FNDC3B: variants seen among roughly 807,000 people sequenced by gnomAD.
FNDC3B encodes fibronectin type III domain containing 3B, also known as fibronectin type III domain-containing protein 3B.
In FNDC3B, 12 loss-of-function variants were observed where a neutral mutation model predicts 151.5. The ratio of observed to expected loss-of-function variants is 0.08; its 90% CI spans 0.05 to 0.13. FNDC3B has a LOEUF of 0.13. Among genes scored for constraint, FNDC3B ranks in the 10% least tolerant of loss-of-function variants. FNDC3B has a pLI of 1.00. For synonymous variants in FNDC3B, 528 were observed against 549.0 expected (o/e 0.96, Z 0.54); for missense variants, 1,214 against 1,505.3 (o/e 0.81, Z 3.20).
At chr3:172,310,968 A>T (rs1404733158) in intron 11 of FNDC3B, 87 bp downstream of exon 11, 30 of 927,964 alleles carry the variant, frequency 3.2e-5, no homozygotes, top group Non-Finnish European at 5.3e-5. Flanking sequence ...CTTTTATAAG[A>T]CATGCTAAAC....
At chr3:172,277,552 C>G (rs1409456856) in intron 6 of FNDC3B, among the ~76,000 whole-genome samples, 1 of 152,162 alleles carries the variant, frequency 6.6e-6, no homozygotes, top group Non-Finnish European at 1.5e-5. Flanking sequence ...TTTTAAGATA[C>G]ACGAATTTTG....
intron 9 of FNDC3B, chr3:172,307,056 A>G: frequency 9.0e-6 from 2 of 222,948 alleles, no homozygotes; most frequent in Non-Finnish European, 1.8e-5. Flanking sequence ...TAGAACATAT[A>G]TTTGGAGATC....
At position 172,176,163 on chromosome 3, in the gene FNDC3B, T is replaced by C. The variant is rs536325623; in HGVS notation, c.187+42617T>C. Among the ~76,000 whole-genome samples the C allele has an allele frequency of 4.6e-5, 7 of 152,336 alleles. No homozygotes were observed. The East Asian group carries it at 1.2e-3, about 25-fold the overall frequency. ...CAACTCTGAAGTACGCATGCATTGA[T>C]TGAATTAATAGAAGAGCCCTTCATT... On this transcript the variant is annotated intron_variant, in intron 3 of 25. Coordinates refer to ENST00000415807, the MANE Select transcript of FNDC3B (RefSeq NM_022763.4).
chr3:172,178,267 C>A (rs1054760041), intron 3 of FNDC3B, among the ~76,000 whole-genome samples: 2 of 152,036 alleles, frequency 1.3e-5, no homozygotes, highest in Admixed American at 1.3e-4. Flanking sequence ...AAGTGTCACT[C>A]CAGCTGTGGG....
rs73035124 is a variant in FNDC3B at position 172,329,338 on chromosome 3, T to C, written c.1379+262T>C. ...ACCAAGGTGAAGGTAGCAGTACAGA[T>C]CTTGAAAGGAATTCCTCTTGGAGCT... is the stretch of plus-strand genomic sequence containing the variant. On this transcript the variant is annotated intron_variant, in intron 12 of 25. Coordinates refer to ENST00000415807, the MANE Select transcript of FNDC3B (RefSeq NM_022763.4). 402 of 371,976 alleles carry C rather than the reference T, an allele frequency of 1.1e-3. 2 individuals are homozygous for C. Among genetic ancestry groups the C allele is most frequent in the African/African-American group, 7.7e-3 (371 of 48,230 alleles). The allele number at this position is 371,976 out of a possible 1,614,324, so 23.0% of individuals were successfully genotyped here.
chr3:172,168,360 C>T (rs1351189293), intron 3 of FNDC3B, among the ~76,000 whole-genome samples: 1 of 152,114 alleles, frequency 6.6e-6, no homozygotes, highest in African/African-American at 2.4e-5. Flanking sequence ...CTGATTCCTG[C>T]TATTTTGAAG....
At chr3:172,065,095 A>G (rs1032273535) in intron 1 of FNDC3B, among the ~76,000 whole-genome samples, 4 of 152,170 alleles carry the variant, frequency 2.6e-5, no homozygotes, top group African/African-American at 7.2e-5. Context: ...GCACTTTGGG[A>G]GTCTGAGGCG....
intron 3 of FNDC3B, among the ~76,000 whole-genome samples, chr3:172,210,818 A>C (rs1217020757): frequency 1.3e-5 from 2 of 152,222 alleles, no homozygotes; most frequent in South Asian, 4.1e-4. Flanking sequence ...AAGTGAGAGA[A>C]TTAGCTCAGC....
rs527936365 is a variant in FNDC3B at position 172,117,777 on chromosome 3, C to A, written c.111+5187C>A. Among the ~76,000 whole-genome samples, 3 of 152,286 alleles carry A rather than the reference C, an allele frequency of 2.0e-5. No homozygotes were observed. The East Asian group carries it at 5.8e-4, about 29-fold the overall frequency. On this transcript the variant is annotated intron_variant, in intron 2 of 25. Coordinates refer to ENST00000415807, the MANE Select transcript of FNDC3B (RefSeq NM_022763.4). Reference sequence around the variant, plus strand: ...CTAGCATTTAGCATATGGAGGACATCGAGTAAATGATTTGTCATACTATTC... The same window carrying A: ...CTAGCATTTAGCATATGGAGGACATAGAGTAAATGATTTGTCATACTATTC...
At chr3:172,137,170 G>A (rs1311874864) in intron 3 of FNDC3B, among the ~76,000 whole-genome samples, 2 of 152,084 alleles carry the variant, frequency 1.3e-5, no homozygotes, top group Non-Finnish European at 2.9e-5. Flanking sequence ...TTCAGGTAGG[G>A]AATGGAGTTG....
At chr3:172,390,413 A>G (rs1483452158) in intron 25 of FNDC3B, among the ~76,000 whole-genome samples, 1 of 152,174 alleles carries the variant, frequency 6.6e-6, no homozygotes, top group Non-Finnish European at 1.5e-5. Context: ...TTTTTAAAAT[A>G]CATTTTCAGA....
chr3:172,206,292 G>T (rs1441783230), intron 3 of FNDC3B, among the ~76,000 whole-genome samples: 3 of 152,172 alleles, frequency 2.0e-5, no homozygotes, highest in Non-Finnish European at 4.4e-5. Context: ...ATTGCTAGAG[G>T]ATTGGACCTA....
At chr3:172,248,204 C>G (rs1236900338) in intron 5 of FNDC3B, among the ~76,000 whole-genome samples, 1 of 152,120 alleles carries the variant, frequency 6.6e-6, no homozygotes, top group African/African-American at 2.4e-5. Context: ...TGCCCCATTT[C>G]CAGTGTTTGA....
chr3:172,391,724 GAATA>G (rs2108391470), intron 25 of FNDC3B, among the ~76,000 whole-genome samples: 2 of 152,300 alleles, frequency 1.3e-5, no homozygotes, highest in South Asian at 4.1e-4. Flanking sequence ...TAGAGTGTCA[GAATA>G]AATAGTATAC....
At chr3:172,078,144 C>A (rs1285616131) in intron 1 of FNDC3B, among the ~76,000 whole-genome samples, 1 of 152,136 alleles carries the variant, frequency 6.6e-6, no homozygotes, top group African/African-American at 2.4e-5. Flanking sequence ...CCATGGCCTG[C>A]TAATTTTTGT....
intron 4 of FNDC3B, among the ~76,000 whole-genome samples, chr3:172,238,357 C>T (rs533995077): frequency 8.5e-5 from 13 of 152,204 alleles, no homozygotes; most frequent in African/African-American, 1.7e-4. Context: ...GGTTTTGCCA[C>T]GTTGCCCAGT....
intron 4 of FNDC3B, among the ~76,000 whole-genome samples, chr3:172,229,080 AAGAAACACAC>A (rs1219719421): frequency 7.4e-5 from 9 of 122,438 alleles, no homozygotes; most frequent in African/African-American, 3.0e-4. Flanking sequence ...TGTAGAAAGA[AAGAAACACAC>A]ACACACACAC....
chr3:172,344,012 G>C (rs1486331303), intron 18 of FNDC3B, 74 bp from the exon 19 acceptor site: 3 of 1,417,944 alleles, frequency 2.1e-6, no homozygotes, highest in Non-Finnish European at 2.9e-6. Context: ...TGCTCAACTT[G>C]TGTGAAATCT....
intron 1 of FNDC3B, among the ~76,000 whole-genome samples, chr3:172,069,566 G>A (rs1343140358): frequency 2.0e-5 from 3 of 152,070 alleles, no homozygotes; most frequent in African/African-American, 7.2e-5. Flanking sequence ...TTGTTTTTGC[G>A]TGCCTTTAGT....
Sources: allele counts gnomAD v4.1 joint callset (sites outside exome capture counted in the v4.1 genomes callset), GRCh38; gene constraint gnomAD v4.1.1; transcripts MANE v1.5; gene names NCBI Gene and HGNC (gene_info 2026-07-23, HGNC 2026-07-21).